Variants in MYO9A observed in about 807,000 individuals in gnomAD.
The protein encoded by MYO9A is unconventional myosin-IXa.
MYO9A carries 103 observed loss-of-function variants against 293.3 expected under a neutral mutation model. That is an observed-to-expected ratio of 0.35 (90% CI 0.30 to 0.41). The LOEUF (loss-of-function observed/expected upper bound fraction) is 0.41, where lower values mean the gene tolerates loss of function less well. Ranked by LOEUF, MYO9A falls within the 10% of genes least tolerant of loss-of-function variation. The probability of loss-of-function intolerance (pLI) is 1.00; values close to 1 mark genes in which losing one functional copy is unlikely to be tolerated. For synonymous variants in MYO9A, 1,001 were observed against 1,035.7 expected, an observed-to-expected ratio of 0.97 and a Z score of 0.64; for missense variants, 2,685 against 3,033.0, an observed-to-expected ratio of 0.89 and a Z score of 2.69.
intron 1 of MYO9A, among the ~76,000 whole-genome samples, chr15:72,067,308 T>A (rs1352452044): frequency 2.6e-5 from 4 of 151,910 alleles, no homozygotes; most frequent in African/African-American, 7.2e-5. Flanking sequence ...TTAATTAATT[T>A]ATTTCATTTT....
chr15:72,006,991 A>G (rs369151637), intron 8 of MYO9A, among the ~76,000 whole-genome samples: 2 of 152,212 alleles, frequency 1.3e-5, no homozygotes, highest in South Asian at 2.1e-4. Flanking sequence ...CAGCTTTCTC[A>G]CTGTTGAAGC....
chr15:72,006,063 G>A (rs1006379386), intron 8 of MYO9A, among the ~76,000 whole-genome samples: 3 of 152,134 alleles, frequency 2.0e-5, no homozygotes, highest in Non-Finnish European at 2.9e-5. Context: ...TCAAGTCACA[G>A]AAAGACATGA....
At chr15:71,828,364 C>A (rs1371402786) in intron 40 of MYO9A, among the ~76,000 whole-genome samples, 1 of 152,116 alleles carries the variant, frequency 6.6e-6, no homozygotes, top group Non-Finnish European at 1.5e-5. Context: ...ATCCATAATG[C>A]ATCAGGAAAG....
At chr15:71,994,435 G>A (rs1370572397) in intron 10 of MYO9A, 34 bp downstream of exon 10, 1 of 1,334,276 alleles carries the variant, frequency 7.5e-7, no homozygotes, top group East Asian at 2.4e-5. Context: ...ATAGCTTTCA[G>A]GGAAAAACAT....
chr15:71,961,525 C>T (rs2075739783), intron 13 of MYO9A, among the ~76,000 whole-genome samples: 1 of 152,090 alleles, frequency 6.6e-6, no homozygotes, highest in Non-Finnish European at 1.5e-5. Context: ...TCATTTAATA[C>T]TCCTAATAAT....
intron 23 of MYO9A, among the ~76,000 whole-genome samples, chr15:71,900,426 ACT>A (rs1367100886): frequency 6.6e-6 from 1 of 152,022 alleles, no homozygotes; most frequent in African/African-American, 2.4e-5. Context: ...ACAGAGTGAG[ACT>A]CTGTCTCAAA....
intron 33 of MYO9A, among the ~76,000 whole-genome samples, chr15:71,862,159 G>A (rs1300320575): frequency 2.0e-5 from 3 of 152,012 alleles, no homozygotes. Flanking sequence ...TAGCGAATTT[G>A]GGGACAAGGT....
At position 71,968,033 on chromosome 15, in the gene MYO9A, G is replaced by A. The variant is rs2075920359; in HGVS notation, c.1937C>T (p.Pro646Leu). 6.2e-7 allele frequency: 1 copy of A among 1,611,962 alleles called. No individual in the cohort carries two copies. The highest frequency in any genetic ancestry group is 2.2e-5 in the East Asian group (1 of 44,812). The change falls in exon 13 of 42, where the codon CCT (proline) becomes CTT (leucine). Residue 646 changes from proline to leucine, a missense_variant. Physicochemically the swap from Pro to Leu is moderately conservative, Grantham distance 98. This residue lies in a region of MYO9A where 201 missense variants were observed against 245.2 expected (regional missense o/e 0.82). Transcript: ENST00000356056. ...AGCATAATGTTTTATAATGAAAGCAGGCTCCATCACGGCTGGAAATTCGAT... is the reference window on the plus strand; with the variant it reads ...AGCATAATGTTTTATAATGAAAGCAAGCTCCATCACGGCTGGAAATTCGAT... ...SYIEFPAVME[P>L]AFIIKHYAGK...
intron 35 of MYO9A, among the ~76,000 whole-genome samples, chr15:71,852,553 G>A (rs2055700082): frequency 6.6e-6 from 1 of 151,990 alleles, no homozygotes; most frequent in Admixed American, 6.6e-5. Context: ...AGTAGAGACG[G>A]GGTTTCTCCA....
At chr15:71,891,477 A>G (rs1266297406) in intron 26 of MYO9A, 1 of 152,216 alleles carries the variant, frequency 6.6e-6, no homozygotes, top group Non-Finnish European at 1.5e-5. Flanking sequence ...ATACTAGACA[A>G]AGCAGGACTT....
At chr15:72,014,943 A>C (rs1213229043) in intron 6 of MYO9A, among the ~76,000 whole-genome samples, 1 of 151,884 alleles carries the variant, frequency 6.6e-6, no homozygotes, top group East Asian at 1.9e-4. Context: ...TCCTGGGATC[A>C]AGTGATTCTC....
At chr15:71,855,214 C>A (rs542183201) in intron 34 of MYO9A, among the ~76,000 whole-genome samples, 1 of 152,302 alleles carries the variant, frequency 6.6e-6, no homozygotes, top group East Asian at 1.9e-4. Context: ...CAGCTCACTG[C>A]AACCTCCACC....
intron 32 of MYO9A, among the ~76,000 whole-genome samples, chr15:71,872,303 G>C (rs1241013653): frequency 6.6e-6 from 1 of 151,980 alleles, no homozygotes; most frequent in African/African-American, 2.4e-5. Context: ...ATATGGCCTT[G>C]CTCTATGGTA....
At chr15:72,017,086 T>A (rs1408198322) in intron 6 of MYO9A, among the ~76,000 whole-genome samples, 1 of 146,620 alleles carries the variant, frequency 6.8e-6, no homozygotes, top group Non-Finnish European at 1.5e-5. Context: ...AATGGTGTGA[T>A]CTTGTCTCGC....
At chr15:71,862,183 G>C (rs1215459998) in intron 33 of MYO9A, among the ~76,000 whole-genome samples, 1 of 152,054 alleles carries the variant, frequency 6.6e-6, no homozygotes, top group Non-Finnish European at 1.5e-5. Flanking sequence ...ATTTAAACTG[G>C]GGGTAGAAAA....
At chr15:72,088,119 A>C (rs565368788) in intron 1 of MYO9A, among the ~76,000 whole-genome samples, 1 of 152,322 alleles carries the variant, frequency 6.6e-6, no homozygotes, top group South Asian at 2.1e-4. Context: ...AAACCTGACA[A>C]CACCTTGATC....
chr15:72,018,324 C>A (rs1157957529), intron 6 of MYO9A, among the ~76,000 whole-genome samples: 1 of 151,360 alleles, frequency 6.6e-6, no homozygotes, highest in South Asian at 2.1e-4. Flanking sequence ...AAAAATCAAC[C>A]GGGCATGGTG....
chr15:71,924,477 C>T (rs1042348885), intron 18 of MYO9A, among the ~76,000 whole-genome samples: 4 of 152,072 alleles, frequency 2.6e-5, no homozygotes, highest in African/African-American at 9.7e-5. Context: ...CTCCTGATCT[C>T]GTGACCTGCC....
Position 71,904,915 on chromosome 15 carries a change from G to A in MYO9A, c.2766+11C>T. The A allele has an allele frequency of 6.3e-7, 1 of 1,586,750 alleles. No individual in the cohort carries two copies. Among genetic ancestry groups the A allele is most frequent in the Non-Finnish European group, 8.6e-7 (1 of 1,160,734 alleles). ...CTGAGATATGTGCTCTCATTTATAG[G>A]ACATTTTTACCTTTTCAGCATTAGA... On this transcript the variant is annotated intron_variant, in intron 20 of 41. Coordinates refer to ENST00000356056, the MANE Select transcript of MYO9A (RefSeq NM_006901.4).
Sources: allele counts gnomAD v4.1 joint callset (sites outside exome capture counted in the v4.1 genomes callset), GRCh38; gene constraint gnomAD v4.1.1; regional missense constraint gnomAD v4.1.1; transcripts MANE v1.5; gene names NCBI Gene and HGNC (gene_info 2026-07-23, HGNC 2026-07-21).